The following STAM2 variants were observed in gnomAD, a reference collection of about 807,000 sequenced individuals.
The protein encoded by STAM2 is signal transducing adaptor molecule 2.
A neutral mutation model predicts 65.6 loss-of-function variants in STAM2; 51 were observed. That is an observed-to-expected ratio of 0.78 (90% confidence interval 0.62 to 0.98). The LOEUF (loss-of-function observed/expected upper bound fraction) is 0.98, where lower values mean the gene tolerates loss of function less well. Among genes scored for constraint, STAM2 ranks in the 50% least tolerant of loss-of-function variants. The pLI is 0.00. For missense variants in STAM2, 584 were observed against 617.8 expected (o/e 0.95, Z 0.58); for synonymous variants, 198 against 208.4 (o/e 0.95, Z 0.43).
At chr2:152,129,508 C>T (rs1007352252) in intron 11 of STAM2, among the ~76,000 whole-genome samples, 1 of 151,958 alleles carries the variant, frequency 6.6e-6, no homozygotes, top group Admixed American at 6.6e-5. Flanking sequence ...TTTTATGAAC[C>T]AAAAATAAGA....
In STAM2 at chr2:152,150,638, G is replaced by A. The variant is rs542895429; in HGVS notation, c.41-409C>T. On this transcript the variant is annotated intron_variant, in intron 1 of 13. Coordinates refer to ENST00000263904, the MANE Select transcript of STAM2 (RefSeq NM_005843.6). ...CAATATAGATAGACCCTGTTTCTACGAAAAATAAATTTTAAAAATTAGCCA... is the reference window on the plus strand; with the variant it reads ...CAATATAGATAGACCCTGTTTCTACAAAAAATAAATTTTAAAAATTAGCCA... Among the ~76,000 whole-genome samples, 6 of 152,178 alleles carry A rather than the reference G, an allele frequency of 3.9e-5. No individual in the cohort carries two copies. The South Asian group carries it at 1.2e-3, about 32-fold the overall frequency.
intron 7 of STAM2, among the ~76,000 whole-genome samples, chr2:152,139,845 C>A (rs1388839872): frequency 1.3e-5 from 2 of 151,158 alleles, no homozygotes; most frequent in South Asian, 4.2e-4. Flanking sequence ...AATAGAACAA[C>A]AAAAAAAATT....
At chr2:152,124,097 C>A in intron 12 of STAM2, 162 bp from the exon 13 acceptor site, 1 of 595,542 alleles carries the variant, frequency 1.7e-6, no homozygotes, top group Non-Finnish European at 2.9e-6. Flanking sequence ...GGAGAGCTGT[C>A]AAATCACAGT....
intron 11 of STAM2, among the ~76,000 whole-genome samples, chr2:152,129,755 T>C (rs1377290554): frequency 1.3e-5 from 2 of 152,222 alleles, no homozygotes; most frequent in African/African-American, 2.4e-5. Flanking sequence ...TTTTAATCTT[T>C]TCCAGTTTGA....
rs1353043470 is a variant in STAM2 at position 152,151,087 on chromosome 2, ATT to A, written c.41-860_41-859del. ...GGAATACAAAATTAAATGAACAAAA[ATT>A]TATGAATCTCAAAATATGATTTGCT... On this transcript the variant is annotated intron_variant, in intron 1 of 13. Coordinates refer to ENST00000263904, the MANE Select transcript of STAM2 (RefSeq NM_005843.6). 8.5e-5 allele frequency among the ~76,000 whole-genome samples: 13 copies of A among 152,312 alleles called. No homozygotes were observed. In the East Asian group the frequency reaches 2.3e-3, roughly 27 times the overall value.
intron 7 of STAM2, 30 bp downstream of exon 7, chr2:152,143,797 T>C: frequency 6.4e-7 from 1 of 1,573,892 alleles, no homozygotes; most frequent in Non-Finnish European, 8.7e-7. Flanking sequence ...CATTACACTT[T>C]AAACCTTCCC....
At chr2:152,136,637 A>C (rs1388777432) in intron 7 of STAM2, among the ~76,000 whole-genome samples, 2 of 151,848 alleles carry the variant, frequency 1.3e-5, no homozygotes, top group Non-Finnish European at 2.9e-5. Context: ...ACAGATGCTA[A>C]TCCATACAGA....
At chr2:152,174,753 G>GGAGGCT (rs1689978374) in intron 1 of STAM2, among the ~76,000 whole-genome samples, 2 of 152,174 alleles carry the variant, frequency 1.3e-5, no homozygotes, top group Non-Finnish European at 2.9e-5. Context: ...AAACGGAGGT[G>GGAGGCT]GAGGCTGAGG....
intron 1 of STAM2, among the ~76,000 whole-genome samples, chr2:152,168,954 T>G (rs1421313008): frequency 6.6e-6 from 1 of 152,206 alleles, no homozygotes; most frequent in Non-Finnish European, 1.5e-5. Context: ...AATGTGAAAA[T>G]CAAAAGTTTA....
At position 152,118,640 on chromosome 2, in the gene STAM2, A is replaced by G. The variant is rs1442536806; in HGVS notation, c.*1934T>C. 1 of 151,786 alleles carries G rather than the reference A, an allele frequency of 6.6e-6. No individual in the cohort carries two copies. Among genetic ancestry groups the G allele is most frequent in the African/African-American group, 2.4e-5 (1 of 41,410 alleles). The allele number at this position is 151,786 out of a possible 1,614,324, so 9.4% of individuals were successfully genotyped here. ...AGTTTATTAAATAGAGTTTGGGAGA[A>G]AAAAAGTAAGAAATTCCATATATAT... On this transcript the variant is annotated 3_prime_UTR_variant, in exon 14 of 14. Transcript: ENST00000263904.
intron 1 of STAM2, 21 bp from the exon 2 acceptor site, chr2:152,150,250 C>T (rs1224364097): frequency 1.3e-6 from 2 of 1,496,678 alleles, no homozygotes; most frequent in Non-Finnish European, 9.3e-7. Flanking sequence ...TATTGGCATA[C>T]ACAACAATGA....
In STAM2 at chr2:152,119,445, T is replaced by G. The variant is rs1688808999; in HGVS notation, c.*1129A>C. On this transcript the variant is annotated 3_prime_UTR_variant, in exon 14 of 14. Transcript: ENST00000263904. The stretch of plus-strand genomic sequence containing the variant: ...ATTACTTCTGAAAGAAATGGTCAAT[T>G]TTTTCAACAGCTTGGTATGTTGACA... 6.6e-6 allele frequency: 1 copy of G among 152,216 alleles called. No homozygotes were observed. Among genetic ancestry groups the G allele is most frequent in the Non-Finnish European group, 1.5e-5 (1 of 68,024 alleles). The allele number at this position is 152,216 out of a possible 1,614,324, so 9.4% of individuals were successfully genotyped here.
chr2:152,174,669 C>T (rs1011514599), intron 1 of STAM2, among the ~76,000 whole-genome samples: 1 of 152,044 alleles, frequency 6.6e-6, no homozygotes, highest in African/African-American at 2.4e-5. Context: ...TAAAAATTTA[C>T]CTAGGGTTCT....
chr2:152,163,015 G>T (rs1253021381), intron 1 of STAM2, among the ~76,000 whole-genome samples: 1 of 152,152 alleles, frequency 6.6e-6, no homozygotes, highest in Non-Finnish European at 1.5e-5. Flanking sequence ...CAATAAAATA[G>T]ATTTCAATTT....
intron 1 of STAM2, among the ~76,000 whole-genome samples, chr2:152,167,078 T>A (rs1689802190): frequency 1.3e-5 from 2 of 152,180 alleles, no homozygotes; most frequent in African/African-American, 4.8e-5. Flanking sequence ...TAAAATTTTT[T>A]AAATCCTTCA....
At chr2:152,123,362 ACT>A (rs1460772884) in intron 13 of STAM2, among the ~76,000 whole-genome samples, 1 of 152,082 alleles carries the variant, frequency 6.6e-6, no homozygotes, top group Non-Finnish European at 1.5e-5. Flanking sequence ...ACAGAGGGAG[ACT>A]CTGTCTCAAA....
At chr2:152,128,632 A>G (rs914793293) in intron 11 of STAM2, among the ~76,000 whole-genome samples, 1 of 152,306 alleles carries the variant, frequency 6.6e-6, no homozygotes, top group East Asian at 1.9e-4. Flanking sequence ...AAGGCAAAAG[A>G]GCAACTTGAT....
chr2:152,161,507 A>C lies in STAM2; in HGVS notation c.41-11278T>G, dbSNP rs868327887. ...AAGAATGATCAATAAAAAAAAAAAA[A>C]AAAAAAAAACATTATATATACTTAC... On this transcript the variant is annotated intron_variant, in intron 1 of 13. Coordinates refer to ENST00000263904, the MANE Select transcript of STAM2 (RefSeq NM_005843.6). Among the ~76,000 whole-genome samples the C allele has an allele frequency of 2.1e-3, 324 of 151,636 alleles. 1 individual carries two copies. The highest frequency in any genetic ancestry group is 6.6e-3 in the African/African-American group (272 of 41,404).
intron 2 of STAM2, 78 bp downstream of exon 2, chr2:152,150,067 C>T: frequency 2.1e-6 from 2 of 954,010 alleles, no homozygotes; most frequent in Non-Finnish European, 3.3e-6. Flanking sequence ...TCTCATTTTC[C>T]TCTCAAAGTT....
Sources: gnomAD v4.1 joint callset for allele counts (sites outside exome capture counted in the v4.1 genomes callset) on GRCh38, gnomAD v4.1.1 for gene constraint, MANE v1.5 for transcripts, NCBI Gene and HGNC (gene_info 2026-07-23, HGNC 2026-07-21) for gene names.